ADRA1B: variants seen among roughly 807,000 people sequenced by gnomAD.
The protein encoded by ADRA1B is alpha-1B adrenergic receptor.
A neutral mutation model predicts 17.9 loss-of-function variants in ADRA1B; 17 were observed. That is an observed-to-expected ratio of 0.95 (90% confidence interval 0.65 to 1.42). The LOEUF is 1.42. ADRA1B is among the 40% of genes most tolerant of loss of function. The pLI is 0.00. For synonymous variants in ADRA1B, 366 were observed against 327.6 expected (o/e 1.12, Z -1.27); for missense variants, 681 against 722.1 (o/e 0.94, Z 0.65).
At chr5:159,905,765 G>T (rs1345499728) in intron 1 of ADRA1B, among the ~76,000 whole-genome samples, 1 of 152,232 alleles carries the variant, frequency 6.6e-6, no homozygotes, top group Non-Finnish European at 1.5e-5. Flanking sequence ...GTGGGGAGGG[G>T]CAGGACAGTC....
chr5:159,982,051 C>T, the ADRA1B span, among the ~76,000 whole-genome samples: 1 of 146,400 alleles, frequency 6.8e-6, no homozygotes, highest in Non-Finnish European at 1.5e-5. Flanking sequence ...GAATGCTCAC[C>T]CTTGGAACCC....
intron 1 of ADRA1B, among the ~76,000 whole-genome samples, chr5:159,893,444 G>A (rs926885638): frequency 5.3e-5 from 8 of 152,208 alleles, no homozygotes; most frequent in African/African-American, 1.9e-4. Flanking sequence ...AGCTTGGAAG[G>A]AGGGGCTCCA....
At chr5:159,877,957 A>G (rs1014718064) in intron 1 of ADRA1B, among the ~76,000 whole-genome samples, 5 of 152,112 alleles carry the variant, frequency 3.3e-5, no homozygotes, top group African/African-American at 1.2e-4. Context: ...CCCGAGCCTT[A>G]CTTCCTGTTT....
chr5:159,938,941 A>G (rs569528100), intron 1 of ADRA1B, among the ~76,000 whole-genome samples: 1 of 152,342 alleles, frequency 6.6e-6, no homozygotes, highest in African/African-American at 2.4e-5. Flanking sequence ...TAGCTTTCCA[A>G]AAGTCACAGT....
intron 1 of ADRA1B, among the ~76,000 whole-genome samples, chr5:159,892,333 A>AT (rs1462927620): frequency 6.6e-6 from 1 of 152,132 alleles, no homozygotes; most frequent in Non-Finnish European, 1.5e-5. Flanking sequence ...AGCATTACAT[A>AT]TTTTTTTAAG....
At position 159,917,156 on chromosome 5, in the gene ADRA1B, T is replaced by C; in HGVS notation, c.251T>C (p.Ile84Thr). The part of the protein sequence containing the change: ...RHLRTPTNYF[I>T]VNLAMADLLL... ...CTGCGGACGCCCACCAACTACTTCA[T>C]TGTCAACCTGGCCATGGCCGACCTG... The change falls in exon 1 of 2, where the codon ATT becomes ACT. Residue 84 changes from isoleucine to threonine, a missense_variant. Coordinates refer to ENST00000306675, the MANE Select transcript of ADRA1B (RefSeq NM_000679.4). The C allele has an allele frequency of 6.2e-7, 1 of 1,614,148 alleles. No individual in the cohort carries two copies. The highest frequency in any genetic ancestry group is 8.5e-7 in the Non-Finnish European group (1 of 1,180,034).
chr5:159,873,477 T>A (rs1753770300), intron 1 of ADRA1B, among the ~76,000 whole-genome samples: 1 of 152,144 alleles, frequency 6.6e-6, no homozygotes, highest in African/African-American at 2.4e-5. Context: ...ACATACCCAA[T>A]CACTGATAAA....
intron 1 of ADRA1B, among the ~76,000 whole-genome samples, chr5:159,935,814 T>A (rs1754941127): frequency 6.6e-6 from 1 of 152,260 alleles, no homozygotes; most frequent in African/African-American, 2.4e-5. Flanking sequence ...CCCACAGTGC[T>A]GGGATTACAG....
chr5:159,962,915 C>T (rs371337013), intron 1 of ADRA1B, among the ~76,000 whole-genome samples: 4 of 71,306 alleles, frequency 5.6e-5, no homozygotes, highest in Admixed American at 1.5e-4. Flanking sequence ...TTCTTTCTTT[C>T]TTTCTTTTTC....
intron 1 of ADRA1B, among the ~76,000 whole-genome samples, chr5:159,893,075 C>T (rs542837149): frequency 7.2e-5 from 11 of 152,236 alleles, no homozygotes; most frequent in East Asian, 5.8e-4. Context: ...TTGTATTTTA[C>T]GAGCATTATT....
intron 1 of ADRA1B, among the ~76,000 whole-genome samples, chr5:159,902,184 A>T (rs771869975): frequency 3.9e-5 from 6 of 152,258 alleles, no homozygotes; most frequent in Non-Finnish European, 5.9e-5. Context: ...ATTCTGATGC[A>T]TGCTACAACA....
At chr5:159,928,527 G>A (rs1236298706) in intron 1 of ADRA1B, among the ~76,000 whole-genome samples, 2 of 152,164 alleles carry the variant, frequency 1.3e-5, no homozygotes, top group East Asian at 3.8e-4. Context: ...ACATGTAAGT[G>A]GCCCATTCCT....
At chr5:159,942,422 G>A (rs7737796) in intron 1 of ADRA1B, among the ~76,000 whole-genome samples, 64,374 of 152,106 alleles carry the variant, frequency 0.42, 14,042 homozygotes, top group East Asian at 0.74. Context: ...AAGTCTATCC[G>A]TAAGCAGGTA....
At chr5:159,910,015 C>G (rs980799778) in intron 1 of ADRA1B, among the ~76,000 whole-genome samples, 1 of 152,124 alleles carries the variant, frequency 6.6e-6, no homozygotes, top group Non-Finnish European at 1.5e-5. Context: ...AGCCTTTTCC[C>G]TTAAGAAATT....
At chr5:159,945,951 G>A (rs183394983) in intron 1 of ADRA1B, among the ~76,000 whole-genome samples, 2 of 152,190 alleles carry the variant, frequency 1.3e-5, no homozygotes, top group Admixed American at 1.3e-4. Flanking sequence ...GTTTCACCAT[G>A]TTAGCCAGGA....
downstream of ADRA1B, among the ~76,000 whole-genome samples, chr5:159,973,328 C>G (rs1755922474): frequency 6.6e-6 from 1 of 152,192 alleles, no homozygotes; most frequent in Non-Finnish European, 1.5e-5. Flanking sequence ...AATCTGAATC[C>G]TCCTGCGGCT....
intron 1 of ADRA1B, among the ~76,000 whole-genome samples, chr5:159,971,584 G>C (rs1463979743): frequency 1.3e-5 from 2 of 152,182 alleles, no homozygotes; most frequent in Non-Finnish European, 2.9e-5. Flanking sequence ...TTAGATTGAA[G>C]GTGGCAAGTG....
chr5:159,942,464 G>A (rs1179673736), intron 1 of ADRA1B, among the ~76,000 whole-genome samples: 7 of 152,178 alleles, frequency 4.6e-5, no homozygotes, highest in Non-Finnish European at 7.3e-5. Context: ...TCATACAGTG[G>A]ACTGTGATAC....
the ADRA1B span, among the ~76,000 whole-genome samples, chr5:159,987,625 G>C: frequency 6.6e-6 from 1 of 152,236 alleles, no homozygotes; most frequent in Non-Finnish European, 1.5e-5. Flanking sequence ...GTGCGGCCCT[G>C]CGGCACTTCC....
Sources: gnomAD v4.1 joint callset for allele counts (sites outside exome capture counted in the v4.1 genomes callset) on GRCh38, gnomAD v4.1.1 for gene constraint, MANE v1.5 for transcripts, NCBI Gene and HGNC (gene_info 2026-07-23, HGNC 2026-07-21) for gene names.